TRIM45: variants seen among roughly 807,000 people sequenced by gnomAD.
The protein encoded by TRIM45 is tripartite motif containing 45.
In TRIM45, 45 loss-of-function variants were observed where a neutral mutation model predicts 46.7. The observed-to-expected ratio is 0.96, with a 90% CI of 0.76 to 1.24. TRIM45 has a LOEUF of 1.24. Ranked by LOEUF, TRIM45 falls within the 50% of genes most tolerant of loss-of-function variation. The pLI, the probability that TRIM45 is intolerant of heterozygous loss-of-function variation, is 0.00. For missense variants in TRIM45, 680 were observed against 728.4 expected (o/e 0.93, Z 0.77); for synonymous variants, 259 against 285.8 (o/e 0.91, Z 0.94).
chr1:117,115,691 T>C lies in TRIM45; in HGVS notation c.1353-2A>G, dbSNP rs991067089. 2 of 1,608,260 alleles carry C rather than the reference T, an allele frequency of 1.2e-6. No individual in the cohort carries two copies. Among genetic ancestry groups the C allele is most frequent in the Non-Finnish European group, 1.7e-6 (2 of 1,174,806 alleles). On this transcript the variant is annotated splice_acceptor_variant, in intron 3 of 5. Coordinates refer to ENST00000256649, the MANE Select transcript of TRIM45 (RefSeq NM_025188.4). LOFTEE classifies it high-confidence loss of function. The surrounding 1 kb of genome is among the most constrained non-coding windows in gnomAD (Gnocchi z 4.2). ...TCCTGGACCATTGTTCTGACTGGGC[T>C]GAATGGAGATAAGAGTCAAAACACC... is the stretch of plus-strand genomic sequence containing the variant.
Position 117,118,230 on chromosome 1 carries a change from C to T in TRIM45, c.1026G>A (p.Glu342=). 2 of 1,614,202 alleles carry T rather than the reference C, an allele frequency of 1.2e-6. No individual in the cohort carries two copies. Among genetic ancestry groups the T allele is most frequent in the African/African-American group, 1.3e-5 (1 of 75,052 alleles). ...EHLLTSGSDL[E]ILITKRVVVE... Reference sequence around the variant, plus strand: ...CCACCACCCTCTTGGTGATGAGGATCTCCAAGTCTGAGCCGCTGGTCAGCA... The same window carrying T: ...CCACCACCCTCTTGGTGATGAGGATTTCCAAGTCTGAGCCGCTGGTCAGCA... The change falls in exon 2 of 6, where the codon GAG becomes GAA. Residue 342 remains glutamate (E), a synonymous_variant. Transcript: ENST00000256649. This position sits in a 1 kb window ranked among gnomAD's most constrained non-coding sequence, Gnocchi z 5.7.
In TRIM45 at chr1:117,117,589, G is replaced by T. The variant is rs772743201; in HGVS notation, c.1222+445C>A. Among the ~76,000 whole-genome samples the T allele has an allele frequency of 3.3e-5, 5 of 152,238 alleles. No individual in the cohort carries two copies. Among genetic ancestry groups the T allele is most frequent in the East Asian group, 1.9e-4 (1 of 5,168 alleles). On this transcript the variant is annotated intron_variant, in intron 2 of 5. Coordinates refer to ENST00000256649, the MANE Select transcript of TRIM45 (RefSeq NM_025188.4). This position sits in a 1 kb window ranked among gnomAD's most constrained non-coding sequence, Gnocchi z 4.9. ...AGTAAAGTTGATGTGAACCAAAAAGGGCCTAAAGGAAAGGAAACCGTAATC... is the reference window on the plus strand; with the variant it reads ...AGTAAAGTTGATGTGAACCAAAAAGTGCCTAAAGGAAAGGAAACCGTAATC...
At position 117,118,296 on chromosome 1, in the gene TRIM45, T is replaced by C; in HGVS notation, c.960A>G (p.Leu320=). The C allele has an allele frequency of 6.2e-7, 1 of 1,614,200 alleles. No homozygotes were observed. The highest frequency in any genetic ancestry group is 1.1e-5 in the South Asian group (1 of 91,080). Residue 320 remains leucine (L), a synonymous_variant, in exon 2 of 6, where the codon TTA becomes TTG. Coordinates refer to ENST00000256649, the MANE Select transcript of TRIM45 (RefSeq NM_025188.4). The surrounding 1 kb of genome is among the most constrained non-coding windows in gnomAD (Gnocchi z 5.7). ...LQLQKAQLEQ[L]LADMRTGVEF... ...CCACTCCAGTCCGCATGTCTGCCAG[T>C]AACTGTTCCAGCTGGGCCTTCTGCA...
rs751035247 is a variant in TRIM45 at position 117,113,420 on chromosome 1, G to A, written c.1533C>T (p.Cys511=). The A allele has an allele frequency of 1.2e-6, 2 of 1,612,562 alleles. No individual in the cohort carries two copies. The highest frequency in any genetic ancestry group is 3.3e-5 in the Admixed American group (2 of 60,026). The change falls in exon 5 of 6, where the codon TGC becomes TGT. Residue 511 remains cysteine (C), a synonymous_variant. Transcript: ENST00000256649. The surrounding 1 kb of genome is among the most constrained non-coding windows in gnomAD (Gnocchi z 4.0). ...HRPHSGVFHC[C]TFCSSGGQKT... ...TCTGGCCCCCGCTGGAGCAGAAGGT[G>A]CAGCAGTGAAACACGCCTGAGTGTG...
In TRIM45 at chr1:117,118,388, C is replaced by T; in HGVS notation, c.868G>A (p.Glu290Lys). 1 of 1,614,170 alleles carries T rather than the reference C, an allele frequency of 6.2e-7. No homozygotes were observed. The highest frequency in any genetic ancestry group is 1.6e-4 in the Middle Eastern group (1 of 6,062). ...FSEGYIKAIE[E>K]HRDKLLKQLE... Reference sequence around the variant, plus strand: ...TGCTTCAGCAGCTTGTCCCGATGCTCCTCAATGGCCTTAATGTAGCCCTCC... The same window carrying T: ...TGCTTCAGCAGCTTGTCCCGATGCTTCTCAATGGCCTTAATGTAGCCCTCC... The change falls in exon 2 of 6, where the codon GAG (glutamate) becomes AAG (lysine). Residue 290 changes from glutamate to lysine, a missense_variant. This residue lies in a region of TRIM45 where 9 missense variants were observed against 25.6 expected (regional missense o/e 0.35). Transcript: ENST00000256649. This position sits in a 1 kb window ranked among gnomAD's most constrained non-coding sequence, Gnocchi z 5.7.
rs577702272 is a variant in TRIM45 at position 117,115,105 on chromosome 1, A to T, written c.1467+470T>A. ...ATAGTAACAGAAAAACCTATATGTA[A>T]AACAGAGTAGAAAATTACATGAGCA... On this transcript the variant is annotated intron_variant, in intron 4 of 5. Coordinates refer to ENST00000256649, the MANE Select transcript of TRIM45 (RefSeq NM_025188.4). The surrounding 1 kb of genome is among the most constrained non-coding windows in gnomAD (Gnocchi z 4.2). Among the ~76,000 whole-genome samples, 2 of 152,320 alleles carry T rather than the reference A, an allele frequency of 1.3e-5. No homozygotes were observed. Among genetic ancestry groups the T allele is most frequent in the Admixed American group, 1.3e-4 (2 of 15,302 alleles).
rs1414437258 is a variant in TRIM45, at chr1:117,116,694, T to C, written c.1274A>G (p.Lys425Arg). 12 of 1,614,036 alleles carry C rather than the reference T, an allele frequency of 7.4e-6. No homozygotes were observed. The highest frequency in any genetic ancestry group is 9.3e-6 in the Non-Finnish European group (11 of 1,180,028). Residue 425 changes from lysine to arginine, a missense_variant, in exon 3 of 6, where the codon AAG becomes AGG. By Grantham distance (26) the Lys-to-Arg change is conservative. This residue lies in a region of TRIM45 where 322 missense variants were observed against 359.3 expected (regional missense o/e 0.90). Coordinates refer to ENST00000256649, the MANE Select transcript of TRIM45 (RefSeq NM_025188.4). The surrounding 1 kb of genome is among the most constrained non-coding windows in gnomAD (Gnocchi z 4.6). ...GCCCATGATTTCTCCTGCGGCATCC[T>C]TACAAAGCAGGGTGAAAGAGGCCGT... ...KQTASFTLLCKDAAGEIMGRG... is the reference protein window; with the variant it reads ...KQTASFTLLCRDAAGEIMGRG...
intron 4 of TRIM45, among the ~76,000 whole-genome samples, chr1:117,114,086 C>G (rs1318405355): frequency 1.3e-5 from 2 of 152,208 alleles, no homozygotes; most frequent in African/African-American, 4.8e-5. Flanking sequence ...TCCAATTTCT[C>G]AGCCATGTAC....
rs1370125457 is a variant in TRIM45, at chr1:117,116,905, T to C, written c.1223-160A>G. On this transcript the variant is annotated intron_variant, in intron 2 of 5. Transcript: ENST00000256649. The surrounding 1 kb of genome is among the most constrained non-coding windows in gnomAD (Gnocchi z 4.6). ...CTTCTGCCTCCCAGAGTACGCCTCTTGGGAGTCCTTCCTGGTTGGCCTGGT... is the reference window on the plus strand; with the variant it reads ...CTTCTGCCTCCCAGAGTACGCCTCTCGGGAGTCCTTCCTGGTTGGCCTGGT... Among the ~76,000 whole-genome samples the C allele has an allele frequency of 2.0e-5, 3 of 152,154 alleles. No individual in the cohort carries two copies. Among genetic ancestry groups the C allele is most frequent in the African/African-American group, 7.2e-5 (3 of 41,426 alleles).
At chr1:117,121,907 C>A, upstream of TRIM45, 1 of 708,334 alleles carries the variant, frequency 1.4e-6, no homozygotes, top group Non-Finnish European at 2.6e-6. This position sits in a 1 kb window ranked among gnomAD's most constrained non-coding sequence, Gnocchi z 4.2. Context: ...AGTCCACTCA[C>A]GCGGGGGGCG....
Position 117,121,093 on chromosome 1 carries a change from T to C in TRIM45, c.109A>G (p.Lys37Glu), listed in dbSNP as rs1294500218. The change falls in exon 1 of 6, where the codon AAA (lysine) becomes GAA (glutamate). Residue 37 changes from lysine to glutamate, a missense_variant. By Grantham distance (56) the Lys-to-Glu change is moderately conservative. Transcript: ENST00000256649. This position sits in a 1 kb window ranked among gnomAD's most constrained non-coding sequence, Gnocchi z 4.2. ...AAACAAGGCAAGAGCCTGGGGGCTT[T>C]GAAAAGCCCCAAGCACAGGGGGCAG... ...THCPLCLGLF[K>E]APRLLPCLHT... is the part of the protein sequence containing the mutation. 4.3e-6 allele frequency: 7 copies of C among 1,613,998 alleles called. No individual in the cohort carries two copies. The South Asian group carries it at 7.7e-5, about 18-fold the overall frequency.
In TRIM45 at chr1:117,120,844, C is replaced by T. The variant is rs1650591943; in HGVS notation, c.358G>A (p.Asp120Asn). 6.2e-7 allele frequency: 1 copy of T among 1,614,208 alleles called. No homozygotes were observed. Among genetic ancestry groups the T allele is most frequent in the Non-Finnish European group, 8.5e-7 (1 of 1,180,034 alleles). The change falls in exon 1 of 6, where the codon GAT becomes AAT. Residue 120 changes from aspartate to asparagine, a missense_variant. Physicochemically the swap from Asp to Asn is conservative, Grantham distance 23. Transcript: ENST00000256649. The part of the protein sequence containing the change: ...ALTIDHLAVN[D>N]VMLESLRGEG... Reference sequence around the variant, plus strand: ...CCACGTAGGCTCTCCAGCATCACATCATTCACGGCCAGGTGGTCTATGGTT... The same window carrying T: ...CCACGTAGGCTCTCCAGCATCACATTATTCACGGCCAGGTGGTCTATGGTT...
intron 5 of TRIM45, among the ~76,000 whole-genome samples, chr1:117,112,758 T>G (rs557219985): frequency 6.6e-6 from 1 of 152,260 alleles, no homozygotes; most frequent in East Asian, 1.9e-4. Flanking sequence ...GTTTGGATTT[T>G]AACTGTAAAA....
In TRIM45 at chr1:117,115,555, A is replaced by G; in HGVS notation, c.1467+20T>C. Reference sequence around the variant, plus strand: ...CAGTAGAATCCAGGGAGCTCAGGGAAGCACGTGCACCAGTCTTACCTGCAC... The same window carrying G: ...CAGTAGAATCCAGGGAGCTCAGGGAGGCACGTGCACCAGTCTTACCTGCAC... On this transcript the variant is annotated intron_variant, in intron 4 of 5. Transcript: ENST00000256649. The surrounding 1 kb of genome is among the most constrained non-coding windows in gnomAD (Gnocchi z 4.2). 6.4e-7 allele frequency: 1 copy of G among 1,566,418 alleles called. No homozygotes were observed. The highest frequency in any genetic ancestry group is 2.2e-5 in the East Asian group (1 of 44,646).
Position 117,116,491 on chromosome 1 carries a change from C to T in TRIM45, c.1352+125G>A, listed in dbSNP as rs547862001. ...TGGGCTTAAGCGATCCTCCTGCCTC[C>T]ACTTCCCAAAGTGCTGGGATTACAG... On this transcript the variant is annotated intron_variant, in intron 3 of 5. Coordinates refer to ENST00000256649, the MANE Select transcript of TRIM45 (RefSeq NM_025188.4). The surrounding 1 kb of genome is among the most constrained non-coding windows in gnomAD (Gnocchi z 4.6). 2.1e-5 allele frequency: 27 copies of T among 1,314,478 alleles called. No homozygotes were observed. In the African/African-American group the frequency reaches 4.0e-4, roughly 19 times the overall value. 81.4% of individuals were successfully genotyped at this position (1,314,478 alleles called of 1,614,324 possible). A position where few individuals can be genotyped will look rare whatever the true frequency, so the allele number is the denominator to read the frequency against.
In TRIM45 at chr1:117,116,521, G is replaced by A. The variant is rs1304838742; in HGVS notation, c.1352+95C>T. ...CCCAAAGTGCTGGGATTACAGGCAT[G>A]AGCCACTGTGCCCAGCTCCAATATC... On this transcript the variant is annotated intron_variant, in intron 3 of 5. Transcript: ENST00000256649. This position sits in a 1 kb window ranked among gnomAD's most constrained non-coding sequence, Gnocchi z 4.6. 1.3e-6 allele frequency: 2 copies of A among 1,508,028 alleles called. No homozygotes were observed. The highest frequency in any genetic ancestry group is 1.8e-6 in the Non-Finnish European group (2 of 1,112,566). The allele number at this position is 1,508,028 out of a possible 1,614,324, so 93.4% of individuals were successfully genotyped here. A position where few individuals can be genotyped will look rare whatever the true frequency, so the allele number is the denominator to read the frequency against.
chr1:117,117,922 C>G lies in TRIM45; in HGVS notation c.1222+112G>C. The stretch of plus-strand genomic sequence containing the variant: ...CTTTCAGATCAGTTTATCTCCCCAC[C>G]TTTGGTAACCTGGTCAGTAGGGCAT... On this transcript the variant is annotated intron_variant, in intron 2 of 5. Transcript: ENST00000256649. The surrounding 1 kb of genome is among the most constrained non-coding windows in gnomAD (Gnocchi z 4.9). 7 of 1,403,422 alleles carry G rather than the reference C, an allele frequency of 5.0e-6. No individual in the cohort carries two copies. The highest frequency in any genetic ancestry group is 5.8e-6 in the Non-Finnish European group (6 of 1,030,760). 86.9% of individuals were successfully genotyped at this position (1,403,422 alleles called of 1,614,324 possible).
rs1650391837 is a variant in TRIM45 at position 117,116,210 on chromosome 1, G to C, written c.1352+406C>G. Among the ~76,000 whole-genome samples the C allele has an allele frequency of 6.6e-6, 1 of 151,894 alleles. No individual in the cohort carries two copies. On this transcript the variant is annotated intron_variant, in intron 3 of 5. Coordinates refer to ENST00000256649, the MANE Select transcript of TRIM45 (RefSeq NM_025188.4). This position sits in a 1 kb window ranked among gnomAD's most constrained non-coding sequence, Gnocchi z 4.6. ...TCATAGTATTATGGGGAGGTAAGAC[G>C]TAACTAGTGAGTTACACTCCAATAT...
Position 117,116,863 on chromosome 1 carries a change from C to A in TRIM45, c.1223-118G>T. The A allele has an allele frequency of 7.1e-7, 1 of 1,398,858 alleles. No homozygotes were observed. Among genetic ancestry groups the A allele is most frequent in the East Asian group, 2.4e-5 (1 of 41,248 alleles). The allele number at this position is 1,398,858 out of a possible 1,614,324, so 86.7% of individuals were successfully genotyped here. A position where few individuals can be genotyped will look rare whatever the true frequency, so the allele number is the denominator to read the frequency against. On this transcript the variant is annotated intron_variant, in intron 2 of 5. Coordinates refer to ENST00000256649, the MANE Select transcript of TRIM45 (RefSeq NM_025188.4). This position sits in a 1 kb window ranked among gnomAD's most constrained non-coding sequence, Gnocchi z 4.6. Reference sequence around the variant, plus strand: ...ACTTTACTGTAACCACCCTGGGTCCCTTTGTTTTCTCTTCCCCTTCTGCCT... The same window carrying A: ...ACTTTACTGTAACCACCCTGGGTCCATTTGTTTTCTCTTCCCCTTCTGCCT...
Sources: allele counts gnomAD v4.1 joint callset (sites outside exome capture counted in the v4.1 genomes callset), GRCh38; gene constraint gnomAD v4.1.1; regional missense constraint gnomAD v4.1.1; non-coding constraint Gnocchi (gnomAD v3.1); transcripts MANE v1.5; gene names NCBI Gene and HGNC (gene_info 2026-07-23, HGNC 2026-07-21).